The following SLC36A1 variants were observed in gnomAD, a reference collection of about 807,000 sequenced individuals.
SLC36A1 encodes the protein proton-coupled amino acid transporter 1.
SLC36A1 carries 30 observed loss-of-function variants against 47.5 expected under a neutral mutation model. The observed-to-expected ratio is 0.63, with a 90% CI of 0.47 to 0.86. The LOEUF (loss-of-function observed/expected upper bound fraction) is 0.86. Among genes scored for constraint, SLC36A1 ranks in the 40% least tolerant of loss-of-function variants. SLC36A1 has a pLI of 0.00. For synonymous variants in SLC36A1, 255 were observed against 249.7 expected, an observed-to-expected ratio of 1.02 and a Z score of -0.20; for missense variants, 517 against 606.0, an observed-to-expected ratio of 0.85 and a Z score of 1.54.
chr5:151,506,655 T>TATC, the SLC36A1 span, among the ~76,000 whole-genome samples: 1 of 152,264 alleles, frequency 6.6e-6, no homozygotes, highest in East Asian at 1.9e-4. Context: ...TGAAAATACC[T>TATC]ATCATAACTG....
chr5:151,548,722 C>T, the SLC36A1 span, among the ~76,000 whole-genome samples: 4 of 152,164 alleles, frequency 2.6e-5, no homozygotes, highest in African/African-American at 9.7e-5. Context: ...CTCAGGTGAT[C>T]CGCCCGCCTC....
the SLC36A1 span, among the ~76,000 whole-genome samples, chr5:151,375,530 T>C: frequency 6.6e-6 from 1 of 152,164 alleles, no homozygotes; most frequent in Non-Finnish European, 1.5e-5. Context: ...TTTGGATGCT[T>C]TGGCTATTTG....
the SLC36A1 span, among the ~76,000 whole-genome samples, chr5:151,430,046 C>T: frequency 6.6e-6 from 1 of 152,114 alleles, no homozygotes; most frequent in Non-Finnish European, 1.5e-5. Context: ...CTTTACTGAG[C>T]TCCTTGTGCT....
chr5:151,488,180 T>C lies in SLC36A1; in HGVS notation c.1357T>C (p.Tyr453His), dbSNP rs759566571. The C allele has an allele frequency of 5.0e-6, 8 of 1,614,208 alleles. No homozygotes were observed. In the South Asian group the frequency reaches 8.8e-5, roughly 18 times the overall value. Reference protein sequence around the residue: ...LGFVGFVVGTYEALYELIQPS... With the variant: ...LGFVGFVVGTHEALYELIQPS... ...CTTCGTGGGCTTTGTGGTGGGGACCTATGAGGCTCTCTATGAGCTGATCCA... is the reference window on the plus strand; with the variant it reads ...CTTCGTGGGCTTTGTGGTGGGGACCCATGAGGCTCTCTATGAGCTGATCCA... Residue 453 changes from tyrosine to histidine, a missense_variant, in exon 11 of 11, where the codon TAT becomes CAT. By Grantham distance (83) the Tyr-to-His change is moderately conservative (BLOSUM62 2). Coordinates refer to ENST00000243389, the MANE Select transcript of SLC36A1 (RefSeq NM_078483.4).
intron 9 of SLC36A1, chr5:151,477,110 C>T: frequency 2.7e-6 from 1 of 374,896 alleles, no homozygotes; most frequent in Non-Finnish European, 5.2e-6. Context: ...ATCGGTTGTG[C>T]CTCTCCCTTG....
the SLC36A1 span, among the ~76,000 whole-genome samples, chr5:151,353,646 C>T: frequency 1.2e-4 from 18 of 152,102 alleles, no homozygotes; most frequent in South Asian, 3.1e-3. Context: ...TGTCTAATGG[C>T]GTGTATCTAC....
intron 9 of SLC36A1, among the ~76,000 whole-genome samples, chr5:151,479,024 A>G (rs903909223): frequency 1.3e-5 from 2 of 152,258 alleles, no homozygotes; most frequent in African/African-American, 2.4e-5. Flanking sequence ...GTTAAAAGCT[A>G]TACGGGGGCA....
At chr5:151,507,244 T>C in the SLC36A1 span, 1 of 1,614,142 alleles carries the variant, frequency 6.2e-7, no homozygotes, top group African/African-American at 1.3e-5. Flanking sequence ...GGGGGCACAC[T>C]GCAGACCACT....
In SLC36A1 at chr5:151,463,641, G is replaced by A. The variant is rs138099002; in HGVS notation, c.232G>A (p.Val78Met). The change falls in exon 3 of 11, where the codon GTG (valine) becomes ATG (methionine). Residue 78 changes from valine (V) to methionine (M), a missense_variant and splice_region_variant. Coordinates refer to ENST00000243389, the MANE Select transcript of SLC36A1 (RefSeq NM_078483.4). The part of the protein sequence containing the change: ...LPLAVKNAGI[V>M]MGPISLLIIG... ...TCTGGCGGTGAAAAATGCAGGCATCGTGGTAAGGGTCTGCATCAGTGGAGA... is the reference window on the plus strand; with the variant it reads ...TCTGGCGGTGAAAAATGCAGGCATCATGGTAAGGGTCTGCATCAGTGGAGA... 1.8e-5 allele frequency: 29 copies of A among 1,613,360 alleles called. No individual in the cohort carries two copies. The highest frequency in any genetic ancestry group is 6.7e-5 in the East Asian group (3 of 44,898).
At chr5:151,455,154 A>G (rs866620646) in intron 1 of SLC36A1, among the ~76,000 whole-genome samples, 7 of 152,176 alleles carry the variant, frequency 4.6e-5, no homozygotes, top group Admixed American at 2.6e-4. Context: ...GCAGATGTCC[A>G]CTTACTGGCC....
At chr5:151,506,523 G>T in the SLC36A1 span, among the ~76,000 whole-genome samples, 3 of 152,234 alleles carry the variant, frequency 2.0e-5, no homozygotes, top group East Asian at 1.9e-4. Flanking sequence ...ATGAGATGTG[G>T]CTCGGAAATC....
intron 2 of SLC36A1, among the ~76,000 whole-genome samples, chr5:151,462,829 G>T (rs1755738176): frequency 6.6e-6 from 1 of 151,178 alleles, no homozygotes; most frequent in South Asian, 2.1e-4. Context: ...ACCAGTGTTT[G>T]TCCGTCATTG....
the SLC36A1 span, chr5:151,543,743 G>A: frequency 3.7e-6 from 6 of 1,614,148 alleles, no homozygotes; most frequent in Admixed American, 1.7e-5. Context: ...ACAGTTGCTC[G>A]GAAGACTCCA....
At chr5:151,540,862 T>C in the SLC36A1 span, 2 of 1,121,512 alleles carry the variant, frequency 1.8e-6, no homozygotes, top group South Asian at 1.6e-5. Context: ...TTTAGAATTG[T>C]TGGGAAAGCA....
At chr5:151,418,992 C>T in the SLC36A1 span, among the ~76,000 whole-genome samples, 12 of 152,136 alleles carry the variant, frequency 7.9e-5, no homozygotes, top group African/African-American at 1.2e-4. Flanking sequence ...AGTGGGTTCT[C>T]ATGAGATCTG....
chr5:151,394,238 T>C, the SLC36A1 span, among the ~76,000 whole-genome samples: 1 of 152,246 alleles, frequency 6.6e-6, no homozygotes, highest in Non-Finnish European at 1.5e-5. Context: ...TCTCATGCCA[T>C]GGTTTTCAGC....
the SLC36A1 span, among the ~76,000 whole-genome samples, chr5:151,506,352 G>A: frequency 6.6e-6 from 1 of 152,198 alleles, no homozygotes; most frequent in Admixed American, 6.5e-5. Flanking sequence ...AGTGAACAAG[G>A]GAAGGATTTG....
At chr5:151,533,328 A>T in the SLC36A1 span, among the ~76,000 whole-genome samples, 1 of 151,234 alleles carries the variant, frequency 6.6e-6, no homozygotes, top group South Asian at 2.1e-4. Context: ...TGTATTCCAG[A>T]TCTCTCCTAT....
chr5:151,534,156 AG>A, the SLC36A1 span, among the ~76,000 whole-genome samples: 1 of 152,220 alleles, frequency 6.6e-6, no homozygotes, highest in Admixed American at 6.5e-5. Context: ...AAAAGTCCCC[AG>A]GTCTAAGTGG....
Sources: allele counts gnomAD v4.1 joint callset (sites outside exome capture counted in the v4.1 genomes callset), GRCh38; gene constraint gnomAD v4.1.1; transcripts MANE v1.5; gene names NCBI Gene and HGNC (gene_info 2026-07-23, HGNC 2026-07-21).